Variants in GLCCI1 observed in about 807,000 individuals in gnomAD.
GLCCI1 encodes the protein glucocorticoid-induced transcript 1 protein.
Under a neutral mutation model 52.2 loss-of-function variants are expected in GLCCI1, and 24 were observed. The ratio of observed to expected loss-of-function variants is 0.46; its 90% CI spans 0.33 to 0.65. GLCCI1 has a LOEUF of 0.65. GLCCI1 is among the 30% of genes least tolerant of loss of function. The pLI, the probability that GLCCI1 is intolerant of heterozygous loss-of-function variation, is 0.02. For missense variants in GLCCI1, 704 were observed against 701.5 expected (o/e 1.00, Z -0.04); for synonymous variants, 310 against 276.5 (o/e 1.12, Z -1.20).
At chr7:8,046,643 C>T (rs1277987027) in intron 3 of GLCCI1, among the ~76,000 whole-genome samples, 1 of 152,116 alleles carries the variant, frequency 6.6e-6, no homozygotes, top group Non-Finnish European at 1.5e-5. Flanking sequence ...CCCAGAAGCC[C>T]CTGTCTCGAG....
At chr7:7,982,021 A>C (rs977077603) in intron 1 of GLCCI1, 2 of 439,116 alleles carry the variant, frequency 4.6e-6, no homozygotes, top group Non-Finnish European at 9.0e-6. Context: ...ACTACGAAGA[A>C]GAAGAAAGCT....
At chr7:7,995,804 G>C (rs1373295256) in intron 1 of GLCCI1, among the ~76,000 whole-genome samples, 1 of 152,100 alleles carries the variant, frequency 6.6e-6, no homozygotes, top group Non-Finnish European at 1.5e-5. Flanking sequence ...TAATGTAAAT[G>C]ACGAGTTAAT....
Position 8,088,922 on chromosome 7 carries a change from A to G in GLCCI1, c.*2384A>G, listed in dbSNP as rs886238654. 1.3e-5 allele frequency: 2 copies of G among 152,668 alleles called. No homozygotes were observed. Among genetic ancestry groups the G allele is most frequent in the East Asian group, 3.8e-4 (2 of 5,206 alleles). The allele number at this position is 152,668 out of a possible 1,614,324, so 9.5% of individuals were successfully genotyped here. A position where few individuals can be genotyped will look rare whatever the true frequency, so the allele number is the denominator to read the frequency against. ...TTGTCAGAAATTGTTTAAATTTTGTATATAATTGTACTGTTTAATTCTAGC... is the reference window on the plus strand; with the variant it reads ...TTGTCAGAAATTGTTTAAATTTTGTGTATAATTGTACTGTTTAATTCTAGC... On this transcript the variant is annotated 3_prime_UTR_variant, in exon 8 of 8. Coordinates refer to ENST00000223145, the MANE Select transcript of GLCCI1 (RefSeq NM_138426.4).
chr7:8,076,198 C>A (rs1782874096), intron 6 of GLCCI1, among the ~76,000 whole-genome samples: 1 of 152,038 alleles, frequency 6.6e-6, no homozygotes, highest in Non-Finnish European at 1.5e-5. Flanking sequence ...TTTTATGGCA[C>A]TTTTCTTTTG....
intron 2 of GLCCI1, among the ~76,000 whole-genome samples, chr7:8,020,335 C>T (rs1304305989): frequency 1.3e-5 from 2 of 152,182 alleles, no homozygotes; most frequent in African/African-American, 4.8e-5. Context: ...TTGACCAAAA[C>T]ATTGTTATGC....
chr7:8,059,683 A>G (rs1047930862), intron 4 of GLCCI1, among the ~76,000 whole-genome samples: 5 of 152,252 alleles, frequency 3.3e-5, no homozygotes, highest in Non-Finnish European at 7.3e-5. Context: ...AATTGTCACC[A>G]TACAGAAAAC....
chr7:8,046,613 A>C (rs1562441026), intron 3 of GLCCI1, among the ~76,000 whole-genome samples: 1 of 152,124 alleles, frequency 6.6e-6, no homozygotes, highest in Non-Finnish European at 1.5e-5. Flanking sequence ...CAATCGGAAA[A>C]TTTTTAAATC....
At chr7:7,978,425 ATTAT>A (rs1241802560) in intron 1 of GLCCI1, among the ~76,000 whole-genome samples, 6 of 152,298 alleles carry the variant, frequency 3.9e-5, no homozygotes, top group Admixed American at 3.9e-4. Context: ...CCTTAAAAAA[ATTAT>A]TTATATGTAC....
intron 1 of GLCCI1, among the ~76,000 whole-genome samples, chr7:7,972,535 T>C (rs1215495973): frequency 6.6e-6 from 1 of 152,212 alleles, no homozygotes; most frequent in Non-Finnish European, 1.5e-5. Flanking sequence ...GTGATGATTA[T>C]AGGAGAAAAT....
chr7:7,987,774 T>C (rs1040464538), intron 1 of GLCCI1, among the ~76,000 whole-genome samples: 1 of 151,984 alleles, frequency 6.6e-6, no homozygotes, highest in Admixed American at 6.6e-5. Flanking sequence ...TATTTTTTAT[T>C]TTTTTTAGAA....
intron 3 of GLCCI1, among the ~76,000 whole-genome samples, chr7:8,040,525 A>AACAC (rs58561376): frequency 0.013 from 1,927 of 145,286 alleles, 31 homozygotes; most frequent in East Asian, 0.084. Context: ...AGATATAATT[A>AACAC]ACACACACAC....
At chr7:8,061,266 A>T (rs1782508527) in intron 5 of GLCCI1, among the ~76,000 whole-genome samples, 1 of 151,486 alleles carries the variant, frequency 6.6e-6, no homozygotes, top group African/African-American at 2.4e-5. Flanking sequence ...CACCCGGCTA[A>T]TTTTTTTGTA....
At chr7:8,010,881 G>T (rs998950757) in intron 2 of GLCCI1, among the ~76,000 whole-genome samples, 4 of 152,068 alleles carry the variant, frequency 2.6e-5, no homozygotes, top group African/African-American at 9.6e-5. Context: ...CCATTTGATG[G>T]ATCATGGGCA....
chr7:8,010,727 C>G (rs1161403518), intron 2 of GLCCI1, among the ~76,000 whole-genome samples: 1 of 151,890 alleles, frequency 6.6e-6, no homozygotes, highest in Non-Finnish European at 1.5e-5. Context: ...CTCCCTAGGC[C>G]TACTACTTAA....
At chr7:8,059,880 A>G (rs973179325) in intron 4 of GLCCI1, among the ~76,000 whole-genome samples, 5 of 152,204 alleles carry the variant, frequency 3.3e-5, no homozygotes, top group Non-Finnish European at 7.3e-5. Flanking sequence ...ATACTTACAT[A>G]AAGGGATTTG....
intron 6 of GLCCI1, among the ~76,000 whole-genome samples, chr7:8,076,219 T>C (rs1782874579): frequency 6.6e-6 from 1 of 152,182 alleles, no homozygotes. Context: ...GGGGTTTATA[T>C]TGTAAAAGCA....
intron 5 of GLCCI1, among the ~76,000 whole-genome samples, chr7:8,066,712 G>C (rs1782639087): frequency 6.6e-6 from 1 of 151,826 alleles, no homozygotes; most frequent in Admixed American, 6.6e-5. Context: ...TCTTAGTATT[G>C]ATTTCAATTT....
intron 1 of GLCCI1, chr7:7,980,938 AC>A: frequency 1.7e-6 from 1 of 594,776 alleles, no homozygotes; most frequent in South Asian, 1.7e-5. Context: ...ACCAGAACCT[AC>A]AAGGGAACAA....
At chr7:8,083,797 C>T (rs10257285) in intron 6 of GLCCI1, among the ~76,000 whole-genome samples, 106,442 of 152,062 alleles carry the variant, frequency 0.7, 37,378 homozygotes, top group East Asian at 0.74. Flanking sequence ...CTCTAACAAG[C>T]ATTAGTGTGC....
Sources: gnomAD v4.1 joint callset for allele counts (sites outside exome capture counted in the v4.1 genomes callset) on GRCh38, gnomAD v4.1.1 for gene constraint, MANE v1.5 for transcripts, NCBI Gene and HGNC (gene_info 2026-07-23, HGNC 2026-07-21) for gene names.